The following RORB variants were observed in gnomAD, a reference collection of about 807,000 sequenced individuals.
RORB encodes RAR related orphan receptor B.
In RORB, 6 loss-of-function variants were observed where a neutral mutation model predicts 59.1. That is an observed-to-expected ratio of 0.10 (90% CI 0.06 to 0.20). The LOEUF (loss-of-function observed/expected upper bound fraction) is 0.20, where lower values mean the gene tolerates loss of function less well. Among genes scored for constraint, RORB ranks in the 10% least tolerant of loss-of-function variants. RORB has a pLI of 1.00. For synonymous variants in RORB, 215 were observed against 204.5 expected (o/e 1.05, Z -0.44); for missense variants, 320 against 560.5 (o/e 0.57, Z 4.33).
At chr9:74,585,615 T>A (rs1822786433) in intron 1 of RORB, among the ~76,000 whole-genome samples, 1 of 152,158 alleles carries the variant, frequency 6.6e-6, no homozygotes, top group South Asian at 2.1e-4. Context: ...ACCATTAGAT[T>A]ATGAAGAACA....
At chr9:74,523,734 A>G (rs746082930) in intron 1 of RORB, among the ~76,000 whole-genome samples, 39 of 151,974 alleles carry the variant, frequency 2.6e-4, no homozygotes, top group Non-Finnish European at 4.6e-4. Context: ...GAAGACGGTT[A>G]ATCCAAACAC....
intron 8 of RORB, among the ~76,000 whole-genome samples, chr9:74,670,470 G>C (rs966229327): frequency 6.6e-6 from 1 of 152,138 alleles, no homozygotes; most frequent in Admixed American, 6.5e-5. Context: ...TTCTGAACTA[G>C]AAATCAGCTG....
intron 3 of RORB, among the ~76,000 whole-genome samples, chr9:74,639,417 C>T (rs929351395): frequency 6.6e-6 from 1 of 151,940 alleles, no homozygotes; most frequent in Non-Finnish European, 1.5e-5. Context: ...CAAGAGGAAT[C>T]AGGGTCATTA....
At chr9:74,603,867 G>A in intron 1 of RORB, among the ~76,000 whole-genome samples, 1 of 152,174 alleles carries the variant, frequency 6.6e-6, no homozygotes, top group Non-Finnish European at 1.5e-5. Context: ...GGTGGGCTAA[G>A]CGGACTGTGA....
At chr9:74,676,007 C>T (rs1437559882) in intron 9 of RORB, among the ~76,000 whole-genome samples, 1 of 152,154 alleles carries the variant, frequency 6.6e-6, no homozygotes, top group East Asian at 1.9e-4. Context: ...TTGCCCTGAC[C>T]AGAGGTGCAG....
rs950794500 is a variant in RORB, at chr9:74,520,619, T to C, written c.7+22636T>C. On this transcript the variant is annotated intron_variant, in intron 1 of 9. Transcript: ENST00000376896. ...ATGATAGTGAGATAAATTACCAGGT[T>C]CTTAACTGGTTGTATCATTATTTGA... Among the ~76,000 whole-genome samples the C allele has an allele frequency of 2.0e-5, 3 of 151,954 alleles. No individual in the cohort carries two copies. The East Asian group carries it at 5.8e-4, about 29-fold the overall frequency.
rs181914730 is a variant in RORB, at chr9:74,626,692, G to T, written c.8-3590G>T. 2.3e-3 allele frequency among the ~76,000 whole-genome samples: 348 copies of T among 152,294 alleles called. 5 individuals carry two copies. The highest frequency in any genetic ancestry group is 7.5e-3 in the African/African-American group (313 of 41,566). On this transcript the variant is annotated intron_variant, in intron 1 of 9. Transcript: ENST00000376896. ...CAGCCAAATCCTCCCAAGATGTTCA[G>T]TTGGAAACCGTAGTCAACAGCATGT...
chr9:74,506,902 G>T (rs1649040897), intron 1 of RORB, among the ~76,000 whole-genome samples: 3 of 152,096 alleles, frequency 2.0e-5, no homozygotes, highest in African/African-American at 7.2e-5. Flanking sequence ...AGTGGCTATG[G>T]TAATTCCAGA....
chr9:74,623,667 G>C (rs939979541), intron 1 of RORB, among the ~76,000 whole-genome samples: 4 of 152,118 alleles, frequency 2.6e-5, no homozygotes, highest in African/African-American at 9.7e-5. Flanking sequence ...AGCAAATTCT[G>C]ATTCAGCTGG....
At chr9:74,672,692 A>G (rs11144054) in intron 9 of RORB, among the ~76,000 whole-genome samples, 2,506 of 152,332 alleles carry the variant, frequency 0.016, 46 homozygotes, top group Non-Finnish European at 0.02. Flanking sequence ...ATTATTTTAT[A>G]TCTTAAAGTA....
At chr9:74,596,474 C>A (rs1482187656) in intron 1 of RORB, among the ~76,000 whole-genome samples, 1 of 152,312 alleles carries the variant, frequency 6.6e-6, no homozygotes, top group Admixed American at 6.5e-5. Context: ...TGTGAGACTT[C>A]ATGGTTCTAC....
At chr9:74,507,205 G>A (rs140773172) in intron 1 of RORB, among the ~76,000 whole-genome samples, 7 of 152,064 alleles carry the variant, frequency 4.6e-5, no homozygotes, top group African/African-American at 1.2e-4. Context: ...GAGAACAGTC[G>A]TTTTACTTGA....
rs908555734 is a variant in RORB, at chr9:74,691,734, C to T, written c.*6116C>T. ...ACAAAGAGCAAATATGTACTTGCTT[C>T]CTTTCTGCGTGTTATGTACTTCTCA... On this transcript the variant is annotated 3_prime_UTR_variant, in exon 10 of 10. Coordinates refer to ENST00000376896, the MANE Select transcript of RORB (RefSeq NM_006914.4). 6.6e-6 allele frequency: 1 copy of T among 152,072 alleles called. No homozygotes were observed. Among genetic ancestry groups the T allele is most frequent in the South Asian group, 2.1e-4 (1 of 4,824 alleles). The allele number at this position is 152,072 out of a possible 1,614,324, so 9.4% of individuals were successfully genotyped here.
intron 3 of RORB, among the ~76,000 whole-genome samples, chr9:74,641,031 C>A (rs1823794664): frequency 6.6e-6 from 1 of 152,142 alleles, no homozygotes; most frequent in South Asian, 2.1e-4. Flanking sequence ...TTTTTCTAAA[C>A]TCCATTTCCT....
At chr9:74,659,392 AT>A (rs561477839) in intron 4 of RORB, among the ~76,000 whole-genome samples, 149 of 152,266 alleles carry the variant, frequency 9.8e-4, no homozygotes, top group Non-Finnish European at 1.7e-3. Context: ...ATACAAGAAA[AT>A]TTTATTTTCA....
chr9:74,621,032 C>T (rs1467456555), intron 1 of RORB, among the ~76,000 whole-genome samples: 4 of 152,186 alleles, frequency 2.6e-5, no homozygotes, highest in South Asian at 2.1e-4. Flanking sequence ...ACATAGAGTT[C>T]TGTGCACTCA....
At chr9:74,548,034 T>A (rs1299019109) in intron 1 of RORB, among the ~76,000 whole-genome samples, 1 of 152,200 alleles carries the variant, frequency 6.6e-6, no homozygotes, top group East Asian at 1.9e-4. Context: ...GAGTTTTCAA[T>A]ATAGTTTTTA....
chr9:74,600,651 A>G (rs761317559), intron 1 of RORB, among the ~76,000 whole-genome samples: 3 of 152,174 alleles, frequency 2.0e-5, no homozygotes, highest in Non-Finnish European at 4.4e-5. Flanking sequence ...ACTGAGATAG[A>G]CTCAGATATC....
intron 1 of RORB, 41 bp downstream of exon 1, chr9:74,498,024 C>T: frequency 6.2e-7 from 1 of 1,602,444 alleles, no homozygotes. Flanking sequence ...CGAGTCCGGC[C>T]AACTCCAGCC....
Sources: allele counts gnomAD v4.1 joint callset (sites outside exome capture counted in the v4.1 genomes callset), GRCh38; gene constraint gnomAD v4.1.1; transcripts MANE v1.5; gene names NCBI Gene and HGNC (gene_info 2026-07-23, HGNC 2026-07-21).